UGP2: variants seen among roughly 807,000 people sequenced by gnomAD.
The protein encoded by UGP2 is UDP-glucose pyrophosphorylase 2, also known as UTP--glucose-1-phosphate uridylyltransferase.
UGP2 carries 40 observed loss-of-function variants against 49.0 expected under a neutral mutation model. The observed-to-expected ratio is 0.82, with a 90% CI of 0.63 to 1.06. The LOEUF (loss-of-function observed/expected upper bound fraction) is 1.06. UGP2 is among the 50% of genes least tolerant of loss of function. The pLI, the probability that UGP2 is intolerant of heterozygous loss-of-function variation, is 0.00. For missense variants in UGP2, 460 were observed against 603.5 expected, an observed-to-expected ratio of 0.76 and a Z score of 2.49; for synonymous variants, 225 against 213.0, an observed-to-expected ratio of 1.06 and a Z score of -0.49.
chr2:63,856,162 C>T, intron 1 of UGP2, 144 bp from the exon 2 acceptor site: 2 of 964,452 alleles, frequency 2.1e-6, no homozygotes, highest in Non-Finnish European at 3.0e-6. Context: ...CTAGTTGACA[C>T]CACTGAATTA....
At chr2:63,857,209 G>C (rs1558939122) in intron 2 of UGP2, among the ~76,000 whole-genome samples, 3 of 151,846 alleles carry the variant, frequency 2.0e-5, no homozygotes, top group African/African-American at 7.3e-5. Flanking sequence ...GCTGAGGTGG[G>C]AGGGTAGTTT....
chr2:63,886,543 G>A lies in UGP2; in HGVS notation c.1071+5G>A. ...GAAATCATTGTGAATGCAAAGGTAA[G>A]CCAAGGTTGTGGCCCATTGAGCTTC... is the stretch of plus-strand genomic sequence containing the variant. On this transcript the variant is annotated splice_donor_5th_base_variant and intron_variant, in intron 7 of 9. Coordinates refer to ENST00000337130, the MANE Select transcript of UGP2 (RefSeq NM_006759.4). 6.2e-7 allele frequency: 1 copy of A among 1,613,846 alleles called. No homozygotes were observed. Among genetic ancestry groups the A allele is most frequent in the Non-Finnish European group, 8.5e-7 (1 of 1,179,990 alleles).
At chr2:63,847,271 TCA>T (rs1372362329) in intron 1 of UGP2, among the ~76,000 whole-genome samples, 3 of 152,236 alleles carry the variant, frequency 2.0e-5, no homozygotes, top group African/African-American at 7.2e-5. Flanking sequence ...GTAATATGTT[TCA>T]CAGAGACCCT....
chr2:63,873,488 T>G (rs1009381700), intron 3 of UGP2, among the ~76,000 whole-genome samples: 5 of 152,282 alleles, frequency 3.3e-5, no homozygotes, highest in Non-Finnish European at 5.9e-5. Flanking sequence ...TTTGTTTTTT[T>G]GGGGGTGGTG....
chr2:63,872,492 TAATG>T (rs1425103163), intron 3 of UGP2, among the ~76,000 whole-genome samples: 2 of 152,154 alleles, frequency 1.3e-5, no homozygotes, highest in Non-Finnish European at 1.5e-5. Flanking sequence ...CATAACGAAT[TAATG>T]AAGTAAATGA....
At position 63,882,449 on chromosome 2, in the gene UGP2, TG is replaced by T; in HGVS notation, c.256-16del. The T allele has an allele frequency of 1.9e-6, 3 of 1,553,956 alleles. No homozygotes were observed. Among genetic ancestry groups the T allele is most frequent in the Middle Eastern group, 1.7e-4 (1 of 5,852 alleles). On this transcript the variant is annotated splice_polypyrimidine_tract_variant and intron_variant, in intron 3 of 9. Coordinates refer to ENST00000337130, the MANE Select transcript of UGP2 (RefSeq NM_006759.4). ...AAAGCTGTTTAAATTACTCCTATAA[TG>T]TTATTTTTCTTTCAGATTCAACCCT... is the stretch of plus-strand genomic sequence containing the variant.
At chr2:63,866,832 A>G (rs1670216990) in intron 3 of UGP2, among the ~76,000 whole-genome samples, 1 of 152,194 alleles carries the variant, frequency 6.6e-6, no homozygotes, top group Non-Finnish European at 1.5e-5. Context: ...TATGCCTTAT[A>G]GCAGTCTAGG....
At chr2:63,861,687 C>CAA (rs34304544) in intron 3 of UGP2, among the ~76,000 whole-genome samples, 1,609 of 91,454 alleles carry the variant, frequency 0.018, 41 homozygotes, top group African/African-American at 0.054. Flanking sequence ...GATCCTGTCT[C>CAA]AAAAAAAAAA....
chr2:63,884,798 A>C (rs146226549), intron 5 of UGP2, among the ~76,000 whole-genome samples: 2,457 of 152,142 alleles, frequency 0.016, 23 homozygotes, highest in Non-Finnish European at 0.027. Flanking sequence ...TAGCCCAGCT[A>C]CTTGGGAGGC....
chr2:63,886,209 C>T lies in UGP2; in HGVS notation c.874-132C>T, dbSNP rs1375132023. The T allele has an allele frequency of 8.6e-6, 8 of 925,906 alleles. No individual in the cohort carries two copies. The East Asian group carries it at 1.8e-4, about 21-fold the overall frequency. The allele number at this position is 925,906 out of a possible 1,614,324, so 57.4% of individuals were successfully genotyped here. On this transcript the variant is annotated intron_variant, in intron 6 of 9. Transcript: ENST00000337130. Reference sequence around the variant, plus strand: ...TGGCATTTAAATGTTATTTCATTGTCCCTTTTATGAAAATTTACTCTGTTT... The same window carrying T: ...TGGCATTTAAATGTTATTTCATTGTTCCTTTTATGAAAATTTACTCTGTTT...
chr2:63,885,715 A>G lies in UGP2; in HGVS notation c.702A>G (p.Gly234=), dbSNP rs375191945. The G allele has an allele frequency of 6.2e-7, 1 of 1,613,826 alleles. No individual in the cohort carries two copies. Among genetic ancestry groups the G allele is most frequent in the African/African-American group, 1.3e-5 (1 of 74,882 alleles). The change falls in exon 6 of 10, where the codon GGA becomes GGG. Residue 234 remains glycine, a synonymous_variant. Transcript: ENST00000337130. The stretch of plus-strand genomic sequence containing the variant: ...TTTACGCCAGTTTCTACAACTCTGG[A>G]TTGCTTGATACCTTTATAGGAGAAG... ...GDIYASFYNS[G]LLDTFIGEGK... is the part of the protein sequence containing the mutation.
intron 6 of UGP2, 97 bp downstream of exon 6, chr2:63,885,983 C>A: frequency 7.7e-7 from 1 of 1,303,500 alleles, no homozygotes; most frequent in Non-Finnish European, 1.0e-6. Flanking sequence ...CTATGTTAAA[C>A]AACACATTTA....
chr2:63,858,287 G>A (rs191622695), intron 3 of UGP2, among the ~76,000 whole-genome samples: 152 of 152,212 alleles, frequency 1.0e-3, no homozygotes, highest in African/African-American at 3.2e-3. Flanking sequence ...CTCATTGCCC[G>A]TAGGGTCATG....
chr2:63,883,897 T>A (rs1181412500), intron 4 of UGP2, 63 bp from the exon 5 acceptor site: 1 of 1,543,176 alleles, frequency 6.5e-7, no homozygotes, highest in Non-Finnish European at 8.7e-7. Flanking sequence ...TAAGAACTAA[T>A]TTTGCATATT....
intron 1 of UGP2, chr2:63,855,520 GTTTTTTTTTT>G (rs372160888): frequency 1.0e-5 from 2 of 194,312 alleles, no homozygotes. Context: ...TTCTTTTTCT[GTTTTTTTTTT>G]TTTTTTTTTT....
At chr2:63,861,561 A>G (rs192513482) in intron 3 of UGP2, among the ~76,000 whole-genome samples, 2 of 151,196 alleles carry the variant, frequency 1.3e-5, no homozygotes, top group East Asian at 1.9e-4. Flanking sequence ...GGTGGCATCT[A>G]CCTGTAGTCC....
rs528966512 is a variant in UGP2, at chr2:63,884,993, CTTTTTTTTTTTTTTTT to C, written c.576-582_576-567del. Among the ~76,000 whole-genome samples the C allele has an allele frequency of 5.2e-4, 12 of 23,150 alleles. No homozygotes were observed. The South Asian group carries it at 0.015, about 29-fold the overall frequency. 15.2% of individuals were successfully genotyped at this position (23,150 alleles called of 152,430 possible). A position where few individuals can be genotyped will look rare whatever the true frequency, so the allele number is the denominator to read the frequency against. On this transcript the variant is annotated intron_variant, in intron 5 of 9. Transcript: ENST00000337130. ...TTTTAAGATCTATTTCCCATGGTTA[CTTTTTTTTTTTTTTTT>C]TTTTTTTTTTTTTACTTTGCAGATG... is the stretch of plus-strand genomic sequence containing the variant.
In UGP2 at chr2:63,886,553, TG is replaced by T. The variant is rs1182367032; in HGVS notation, c.1071+17del. On this transcript the variant is annotated intron_variant, in intron 7 of 9. Transcript: ENST00000337130. The stretch of plus-strand genomic sequence containing the variant: ...TGAATGCAAAGGTAAGCCAAGGTTG[TG>T]GCCCATTGAGCTTCCTGGTTCCTAA... The T allele has an allele frequency of 6.2e-7, 1 of 1,613,328 alleles. No homozygotes were observed. Among genetic ancestry groups the T allele is most frequent in the Non-Finnish European group, 8.5e-7 (1 of 1,179,902 alleles).
At chr2:63,888,535 A>C (rs1444525300) in intron 8 of UGP2, 1 of 152,258 alleles carries the variant, frequency 6.6e-6, no homozygotes, top group Non-Finnish European at 1.5e-5. Context: ...GTTCAGGTTC[A>C]CTGGTGACCA....
Sources: allele counts gnomAD v4.1 joint callset (sites outside exome capture counted in the v4.1 genomes callset), GRCh38; gene constraint gnomAD v4.1.1; transcripts MANE v1.5; gene names NCBI Gene and HGNC (gene_info 2026-07-23, HGNC 2026-07-21).